The following UGT1A8 variants were observed in gnomAD, a reference collection of about 807,000 sequenced individuals.
The protein encoded by UGT1A8 is UDP-glucuronosyltransferase 1A8.
Under a neutral mutation model 45.3 loss-of-function variants are expected in UGT1A8, and 39 were observed. The observed-to-expected ratio is 0.86, with a 90% CI of 0.67 to 1.12. UGT1A8 has a LOEUF of 1.12. UGT1A8 is among the 50% of genes most tolerant of loss of function. UGT1A8 has a pLI of 0.00. For missense variants in UGT1A8, 719 were observed against 664.9 expected (o/e 1.08, Z -0.90); for synonymous variants, 275 against 249.2 (o/e 1.10, Z -0.97).
chr2:233,725,264 G>GGCAGAGGAGGCA, intron 1 of UGT1A8, among the ~76,000 whole-genome samples: 1 of 58,548 alleles, frequency 1.7e-5, no homozygotes, highest in African/African-American at 1.3e-4. Flanking sequence ...CAGAGGCAGA[G>GGCAGAGGAGGCA]GAGGCAGAGG....
At chr2:233,715,538 G>A (rs1209390952) in intron 1 of UGT1A8, among the ~76,000 whole-genome samples, 6 of 152,096 alleles carry the variant, frequency 3.9e-5, no homozygotes, top group South Asian at 2.1e-4. Flanking sequence ...TTGGGAGACC[G>A]AGGGAGGAGG....
chr2:233,711,517 T>C (rs2076184771), intron 1 of UGT1A8, among the ~76,000 whole-genome samples: 4 of 152,144 alleles, frequency 2.6e-5, no homozygotes, highest in Admixed American at 2.6e-4. Context: ...GCGCTCTGTG[T>C]CCTCACAACT....
intron 1 of UGT1A8, among the ~76,000 whole-genome samples, chr2:233,762,146 C>G (rs541150164): frequency 2.2e-4 from 33 of 152,272 alleles, no homozygotes; most frequent in Admixed American, 4.6e-4. Context: ...TGTGACTTTG[C>G]ATTAATCACA....
rs1278152448 is a variant in UGT1A8 at position 233,683,881 on chromosome 2, G to T, written c.855+65319G>T. 5.3e-5 allele frequency among the ~76,000 whole-genome samples: 8 copies of T among 151,824 alleles called. No individual in the cohort carries two copies. In the East Asian group the frequency reaches 1.5e-3, roughly 29 times the overall value. On this transcript the variant is annotated intron_variant, in intron 1 of 4. Coordinates refer to ENST00000373450, the MANE Select transcript of UGT1A8 (RefSeq NM_019076.5). ...TCATCTGCAAATTATTCCCTCCCCTGGTATTTATACCTCTTATTTTGGCGG... is the reference window on the plus strand; with the variant it reads ...TCATCTGCAAATTATTCCCTCCCCTTGTATTTATACCTCTTATTTTGGCGG...
intron 1 of UGT1A8, chr2:233,747,857 C>G: frequency 6.2e-7 from 1 of 1,613,516 alleles, no homozygotes. Flanking sequence ...AGAACATGCT[C>G]TACCCTCTGG....
At position 233,618,271 on chromosome 2, in the gene UGT1A8, C is replaced by T. The variant is rs749150526; in HGVS notation, c.564C>T (p.Ser188=). 3 of 1,613,912 alleles carry T rather than the reference C, an allele frequency of 1.9e-6. No individual in the cohort carries two copies. Among genetic ancestry groups the T allele is most frequent in the Non-Finnish European group, 1.7e-6 (2 of 1,179,850 alleles). ...GTGCACAGTGCCCTGCTCCTCTTTC[C>T]TATGTCCCCAGAATTCTCTTAGGGT... The part of the protein sequence containing the change: ...EEGAQCPAPL[S]YVPRILLGFS... The change falls in exon 1 of 5, where the codon TCC becomes TCT. Residue 188 remains serine, a synonymous_variant. Coordinates refer to ENST00000373450, the MANE Select transcript of UGT1A8 (RefSeq NM_019076.5).
intron 1 of UGT1A8, chr2:233,729,461 G>A: frequency 6.2e-7 from 1 of 1,614,132 alleles, no homozygotes; most frequent in South Asian, 1.1e-5. Flanking sequence ...AAATTTTTCA[G>A]AAGTATGGCA....
intron 1 of UGT1A8, among the ~76,000 whole-genome samples, chr2:233,750,053 G>A (rs1694341640): frequency 6.6e-6 from 1 of 151,850 alleles, no homozygotes. Flanking sequence ...ATGTGGAAGT[G>A]ACTTTGGAAC....
At chr2:233,754,323 G>A (rs1357745204) in intron 1 of UGT1A8, 2 of 247,114 alleles carry the variant, frequency 8.1e-6, no homozygotes, top group Non-Finnish European at 1.6e-5. Flanking sequence ...GTCTGCCTCA[G>A]GCTTAAGTTT....
intron 1 of UGT1A8, among the ~76,000 whole-genome samples, chr2:233,654,375 T>C (rs937272812): frequency 3.3e-5 from 5 of 152,174 alleles, no homozygotes; most frequent in Non-Finnish European, 7.4e-5. Context: ...CTTTCAGGAT[T>C]GTGATCCAAA....
chr2:233,745,639 G>T (rs182919627), intron 1 of UGT1A8, among the ~76,000 whole-genome samples: 1 of 151,500 alleles, frequency 6.6e-6, no homozygotes, highest in South Asian at 2.1e-4. Context: ...AAAGCTGGCC[G>T]AGGGTAGAGT....
chr2:233,662,297 G>T (rs559897773), intron 1 of UGT1A8, among the ~76,000 whole-genome samples: 1 of 152,166 alleles, frequency 6.6e-6, no homozygotes, highest in African/African-American at 2.4e-5. Flanking sequence ...ACATACTCAA[G>T]TTTTTCTTAA....
In UGT1A8 at chr2:233,645,319, G is replaced by A. The variant is rs574753987; in HGVS notation, c.855+26757G>A. On this transcript the variant is annotated intron_variant, in intron 1 of 4. Transcript: ENST00000373450. The stretch of plus-strand genomic sequence containing the variant: ...TACAATTCAAGATGAGATTTAGGTG[G>A]GGACACAGCCAAACCATATGATTCC... Among the ~76,000 whole-genome samples, 7 of 152,130 alleles carry A rather than the reference G, an allele frequency of 4.6e-5. No individual in the cohort carries two copies. In the South Asian group the frequency reaches 1.5e-3, roughly 32 times the overall value.
intron 1 of UGT1A8, among the ~76,000 whole-genome samples, chr2:233,744,817 A>G (rs1304703196): frequency 6.6e-6 from 1 of 151,914 alleles, no homozygotes; most frequent in East Asian, 1.9e-4. Flanking sequence ...TTCCTGGCTC[A>G]TACTTTGAGA....
intron 1 of UGT1A8, chr2:233,755,013 G>A (rs1255177181): frequency 7.7e-7 from 1 of 1,294,530 alleles, no homozygotes; most frequent in Admixed American, 1.9e-5. Flanking sequence ...CTACTCGAAG[G>A]GGTCCTTGAA....
intron 1 of UGT1A8, among the ~76,000 whole-genome samples, chr2:233,653,845 T>G (rs1580064): frequency 1.3e-5 from 2 of 152,224 alleles, no homozygotes; most frequent in Non-Finnish European, 2.9e-5. Flanking sequence ...GATCTGCCCT[T>G]CTCAGCCTCC....
At chr2:233,743,431 C>T (rs755334550) in intron 1 of UGT1A8, 17 of 1,354,320 alleles carry the variant, frequency 1.3e-5, no homozygotes, top group African/African-American at 1.5e-5. Context: ...GCCAAAGGAA[C>T]GAAATCCTGT....
At chr2:233,683,924 T>C (rs533531080) in intron 1 of UGT1A8, among the ~76,000 whole-genome samples, 1 of 152,336 alleles carries the variant, frequency 6.6e-6, no homozygotes, top group African/African-American at 2.4e-5. Context: ...AGTTCCAAAA[T>C]ATTATTAATA....
intron 1 of UGT1A8, among the ~76,000 whole-genome samples, chr2:233,649,495 T>C (rs758679286): frequency 1.1e-4 from 17 of 152,262 alleles, no homozygotes; most frequent in Non-Finnish European, 1.5e-4. Context: ...GTTGAAATTA[T>C]ATATAAGCAT....
Sources: gnomAD v4.1 joint callset for allele counts (sites outside exome capture counted in the v4.1 genomes callset) on GRCh38, gnomAD v4.1.1 for gene constraint, MANE v1.5 for transcripts, NCBI Gene and HGNC (gene_info 2026-07-23, HGNC 2026-07-21) for gene names.